Variants in CMYA5 observed in about 807,000 individuals in gnomAD.
CMYA5 encodes the protein cardiomyopathy associated 5, also known as cardiomyopathy-associated protein 5.
In CMYA5, 246 loss-of-function variants were observed where a neutral mutation model predicts 318.9. The observed-to-expected ratio is 0.77, with a 90% confidence interval of 0.70 to 0.86. The LOEUF (loss-of-function observed/expected upper bound fraction) is 0.86, where lower values mean the gene tolerates loss of function less well. Among genes scored for constraint, CMYA5 ranks in the 40% least tolerant of loss-of-function variants. The probability of loss-of-function intolerance (pLI) is 0.00; values close to 1 mark genes in which losing one functional copy is unlikely to be tolerated. For missense variants in CMYA5, 4,589 were observed against 4,678.2 expected (o/e 0.98, Z 0.56); for synonymous variants, 1,641 against 1,729.5 (o/e 0.95, Z 1.27).
intron 1 of CMYA5, among the ~76,000 whole-genome samples, chr5:79,691,723 T>A (rs1303014114): frequency 6.6e-6 from 1 of 152,170 alleles, no homozygotes; most frequent in Non-Finnish European, 1.5e-5. Context: ...GTAAAATATC[T>A]GAAGAGATTG....
chr5:79,764,451 A>G (rs543622011), intron 9 of CMYA5, among the ~76,000 whole-genome samples: 1 of 152,336 alleles, frequency 6.6e-6, no homozygotes, highest in South Asian at 2.1e-4. Context: ...CGCAATAAAC[A>G]TACGTGTGCA....
In CMYA5 at chr5:79,718,177, G is replaced by A. The variant is rs543651174; in HGVS notation, c.150-10738G>A. 2.9e-4 allele frequency among the ~76,000 whole-genome samples: 14 copies of A among 47,756 alleles called. 3 individuals are homozygous for A. In the South Asian group the frequency reaches 5.7e-3, roughly 19 times the overall value. 31.3% of individuals were successfully genotyped at this position (47,756 alleles called of 152,430 possible). Reference sequence around the variant, plus strand: ...GCTGGGATTACAGGTGTGAGCCACCGCACCCGGCCAGCTATTTTATATTAT... The same window carrying A: ...GCTGGGATTACAGGTGTGAGCCACCACACCCGGCCAGCTATTTTATATTAT... On this transcript the variant is annotated intron_variant, in intron 1 of 12. Coordinates refer to ENST00000446378, the MANE Select transcript of CMYA5 (RefSeq NM_153610.5).
In CMYA5 at chr5:79,737,943, G is replaced by C. The variant is rs1192495659; in HGVS notation, c.9178G>C (p.Asp3060His). The C allele has an allele frequency of 6.2e-7, 1 of 1,610,002 alleles. No homozygotes were observed. Among genetic ancestry groups the C allele is most frequent in the Non-Finnish European group, 8.5e-7 (1 of 1,179,026 alleles). The change falls in exon 2 of 13, where the codon GAT (aspartate) becomes CAT (histidine). Residue 3060 changes from aspartate to histidine, a missense_variant. This residue lies in a region of CMYA5 where 2,431 missense variants were observed against 2,495.1 expected (regional missense o/e 0.97). Coordinates refer to ENST00000446378, the MANE Select transcript of CMYA5 (RefSeq NM_153610.5). ...EDYFEKYTLIDYNISPDPEKQ... is the reference protein window; with the variant it reads ...EDYFEKYTLIHYNISPDPEKQ... ...TTATTTTGAAAAATATACTTTGATT[G>C]ATTATAACATCTCCCCAGACCCAGA...
At chr5:79,714,431 C>CTTTTTTTTT (rs71615553) in intron 1 of CMYA5, among the ~76,000 whole-genome samples, 10 of 100,696 alleles carry the variant, frequency 9.9e-5, no homozygotes, top group African/African-American at 3.4e-4. Context: ...TTTTCTTTTT[C>CTTTTTTTTT]TTTTTTTTTT....
At chr5:79,778,340 G>A (rs1365588323) in intron 9 of CMYA5, among the ~76,000 whole-genome samples, 1 of 152,190 alleles carries the variant, frequency 6.6e-6, no homozygotes, top group East Asian at 1.9e-4. Flanking sequence ...TTACTGAACT[G>A]TCTCTATAGA....
chr5:79,760,537 G>A lies in CMYA5; in HGVS notation c.11261-1274G>A, dbSNP rs113004062. 4.1e-3 allele frequency among the ~76,000 whole-genome samples: 623 copies of A among 152,248 alleles called. 2 individuals are homozygous for A. Among genetic ancestry groups the A allele is most frequent in the Middle Eastern group, 0.02 (6 of 294 alleles). On this transcript the variant is annotated intron_variant, in intron 7 of 12. Coordinates refer to ENST00000446378, the MANE Select transcript of CMYA5 (RefSeq NM_153610.5). ...GACAGAATCATGGCAGAAGGTGAAG[G>A]GGAAGCAAGCACATCTTCCCATGGC... is the stretch of plus-strand genomic sequence containing the variant.
chr5:79,769,364 A>C (rs1828814137), intron 9 of CMYA5, among the ~76,000 whole-genome samples: 1 of 151,966 alleles, frequency 6.6e-6, no homozygotes, highest in African/African-American at 2.4e-5. Flanking sequence ...GATCCTTTAA[A>C]GGAGAAGAGG....
At chr5:79,767,306 G>A (rs1689692694) in intron 9 of CMYA5, among the ~76,000 whole-genome samples, 2 of 152,070 alleles carry the variant, frequency 1.3e-5, no homozygotes, top group African/African-American at 4.8e-5. Flanking sequence ...ATCTCCTTCA[G>A]TTCTGCTCTG....
At chr5:79,756,328 C>T (rs1828527932) in intron 6 of CMYA5, among the ~76,000 whole-genome samples, 1 of 152,156 alleles carries the variant, frequency 6.6e-6, no homozygotes, top group Admixed American at 6.5e-5. Context: ...TGATGGGTCC[C>T]TCCTTCAGCC....
At position 79,731,983 on chromosome 5, in the gene CMYA5, C is replaced by T. The variant is rs567485968; in HGVS notation, c.3218C>T (p.Ser1073Phe). The stretch of plus-strand genomic sequence containing the variant: ...AAAGCTGAAACTTTCCCTTTGATGT[C>T]TCCGCTTGAAGACTTAAGTCTGCCG... ...KQKAETFPLMSPLEDLSLPPS... is the reference protein window; with the variant it reads ...KQKAETFPLMFPLEDLSLPPS... The change falls in exon 2 of 13, where the codon TCT (serine) becomes TTT (phenylalanine). Residue 1073 changes from serine to phenylalanine, a missense_variant. Ser to Phe is a radical substitution (Grantham distance 155). This residue lies in a region of CMYA5 where 2,132 missense variants were observed against 2,131.3 expected (regional missense o/e 1.00). Transcript: ENST00000446378. 6 of 1,613,748 alleles carry T rather than the reference C, an allele frequency of 3.7e-6. 1 individual carries two copies. In the South Asian group the frequency reaches 6.6e-5, roughly 18 times the overall value.
At chr5:79,753,410 G>C (rs1828468999) in intron 6 of CMYA5, among the ~76,000 whole-genome samples, 1 of 152,236 alleles carries the variant, frequency 6.6e-6, no homozygotes, top group Non-Finnish European at 1.5e-5. Context: ...ATGTTTCAGT[G>C]AAGTTACCAA....
chr5:79,788,616 G>C (rs1580807654), intron 9 of CMYA5, among the ~76,000 whole-genome samples: 1 of 152,218 alleles, frequency 6.6e-6, no homozygotes, highest in East Asian at 1.9e-4. Context: ...TCGTAGATTG[G>C]TTTAATATCA....
chr5:79,743,416 A>G (rs1486052853), intron 2 of CMYA5, among the ~76,000 whole-genome samples: 1 of 152,192 alleles, frequency 6.6e-6, no homozygotes, highest in Non-Finnish European at 1.5e-5. Flanking sequence ...ATTAGTATAA[A>G]TGTGAAGAAA....
At chr5:79,751,573 C>G (rs1248103164) in intron 5 of CMYA5, among the ~76,000 whole-genome samples, 3 of 152,172 alleles carry the variant, frequency 2.0e-5, no homozygotes, top group African/African-American at 7.2e-5. Context: ...TTCCTTCATA[C>G]TGACCATAAA....
At chr5:79,741,616 C>T (rs1178455480) in intron 2 of CMYA5, among the ~76,000 whole-genome samples, 1 of 152,068 alleles carries the variant, frequency 6.6e-6, no homozygotes, top group African/African-American at 2.4e-5. Flanking sequence ...TGTGAAATCT[C>T]AGACGTCACA....
intron 1 of CMYA5, among the ~76,000 whole-genome samples, chr5:79,727,854 C>T (rs1002504715): frequency 6.6e-6 from 1 of 152,202 alleles, no homozygotes; most frequent in Non-Finnish European, 1.5e-5. Flanking sequence ...AGCCAGCCAT[C>T]TCGGAAGGGA....
rs1829346707 is a variant in CMYA5 at position 79,800,030 on chromosome 5, C to A, written c.*414C>A. 2 of 159,624 alleles carry A rather than the reference C, an allele frequency of 1.3e-5. No individual in the cohort carries two copies. The highest frequency in any genetic ancestry group is 4.8e-5 in the African/African-American group (2 of 41,532). The allele number at this position is 159,624 out of a possible 1,614,324, so 9.9% of individuals were successfully genotyped here. A position where few individuals can be genotyped will look rare whatever the true frequency, so the allele number is the denominator to read the frequency against. ...CATGGATGCTTTCCACAAAATGTCA[C>A]CTCGCTGCACTAAAGGATGATGAAT... is the stretch of plus-strand genomic sequence containing the variant. On this transcript the variant is annotated 3_prime_UTR_variant, in exon 13 of 13. Coordinates refer to ENST00000446378, the MANE Select transcript of CMYA5 (RefSeq NM_153610.5).
In CMYA5 at chr5:79,731,875, G is replaced by A. The variant is rs777825986; in HGVS notation, c.3110G>A (p.Cys1037Tyr). 2.5e-6 allele frequency: 4 copies of A among 1,613,554 alleles called. No homozygotes were observed. The South Asian group carries it at 3.3e-5, about 13-fold the overall frequency. Residue 1037 changes from cysteine (C) to tyrosine (Y), a missense_variant, in exon 2 of 13, where the codon TGC becomes TAC. By Grantham distance (194) the Cys-to-Tyr change is radical. Coordinates refer to ENST00000446378, the MANE Select transcript of CMYA5 (RefSeq NM_153610.5). ...GCAGTGTCTGCTTCAGGTTATTCCT[G>A]CTTTTCAGAAGCAGATGAGGAAGAC... ...LTAVSASGYS[C>Y]FSEADEEDIG... is the part of the protein sequence containing the mutation.
intron 6 of CMYA5, among the ~76,000 whole-genome samples, chr5:79,754,108 A>G (rs1184495499): frequency 6.6e-6 from 1 of 152,324 alleles, no homozygotes; most frequent in Admixed American, 6.5e-5. Flanking sequence ...GAAGCCTTTT[A>G]TGGAGAGACT....
Sources: gnomAD v4.1 joint callset for allele counts (sites outside exome capture counted in the v4.1 genomes callset) on GRCh38, gnomAD v4.1.1 for gene constraint, gnomAD v4.1.1 regional missense constraint, MANE v1.5 for transcripts, NCBI Gene and HGNC (gene_info 2026-07-23, HGNC 2026-07-21) for gene names.